RBFOX1: variants seen among roughly 807,000 people sequenced by gnomAD.
The protein encoded by RBFOX1 is RNA binding protein fox-1 homolog 1.
RBFOX1 carries 8 observed loss-of-function variants against 57.7 expected under a neutral mutation model. The observed-to-expected ratio is 0.14, with a 90% confidence interval of 0.08 to 0.25. RBFOX1 has a LOEUF of 0.25. Ranked by LOEUF, RBFOX1 falls within the 10% of genes least tolerant of loss-of-function variation. The pLI is 1.00. For synonymous variants in RBFOX1, 326 were observed against 222.4 expected, an observed-to-expected ratio of 1.47 and a Z score of -4.15; for missense variants, 611 against 548.5, an observed-to-expected ratio of 1.11 and a Z score of -1.14.
In RBFOX1 at chr16:5,744,137, C is replaced by A. The variant is rs185613283; in HGVS notation, c.319-123166C>A. On this transcript the variant is annotated intron_variant, in intron 3 of 19. Coordinates refer to the RBFOX1 transcript ENST00000641259. ...GCCCTGAAAAGAATCATTCACAGCTCCTTGTCTTTGCTTGTGCTATGTTCC... is the reference window on the plus strand; with the variant it reads ...GCCCTGAAAAGAATCATTCACAGCTACTTGTCTTTGCTTGTGCTATGTTCC... Among the ~76,000 whole-genome samples, 10 of 152,196 alleles carry A rather than the reference C, an allele frequency of 6.6e-5. No individual in the cohort carries two copies. In the East Asian group the frequency reaches 1.9e-3, roughly 29 times the overall value.
rs111711688 is a variant in RBFOX1, at chr16:5,354,241, C to A, written c.220-112975C>A. Among the ~76,000 whole-genome samples, 171 of 152,302 alleles carry A rather than the reference C, an allele frequency of 1.1e-3. 1 individual carries two copies. The highest frequency in any genetic ancestry group is 4.0e-3 in the African/African-American group (168 of 41,562). On this transcript the variant is annotated intron_variant, in intron 1 of 2. Transcript: ENST00000585867. ...GCACTAGTGGGTGAGTCTCTCTGGT[C>A]TTTCTGTGTCTGTGTCTCTTTTTCT...
chr16:6,747,817 A>G (rs755736616), intron 3 of RBFOX1, among the ~76,000 whole-genome samples: 4 of 152,138 alleles, frequency 2.6e-5, no homozygotes, highest in Non-Finnish European at 5.9e-5. Context: ...ACATATCCTC[A>G]GTCCCTACCC....
In RBFOX1 at chr16:7,032,902, C is replaced by G. The variant is rs138139472; in HGVS notation, c.-15-19155C>G. ...AATTTCTGCAGCTGAGAGCATGTCTCTCTTTTGGGAAGGAGGCTTTTCCTG... is the reference window on the plus strand; with the variant it reads ...AATTTCTGCAGCTGAGAGCATGTCTGTCTTTTGGGAAGGAGGCTTTTCCTG... On this transcript the variant is annotated intron_variant, in intron 3 of 15. Coordinates refer to ENST00000550418, the MANE Select transcript of RBFOX1 (RefSeq NM_018723.4). Among the ~76,000 whole-genome samples the G allele has an allele frequency of 4.4e-4, 67 of 152,262 alleles. No homozygotes were observed. In the East Asian group the frequency reaches 9.5e-3, roughly 22 times the overall value.
chr16:6,586,989 A>G (rs577406451), intron 2 of RBFOX1, among the ~76,000 whole-genome samples: 60 of 152,206 alleles, frequency 3.9e-4, no homozygotes, highest in Middle Eastern at 3.4e-3. Context: ...AAATTAATAC[A>G]TGCATTACTT....
At chr16:5,530,909 G>T (rs997666852) in intron 2 of RBFOX1, among the ~76,000 whole-genome samples, 4 of 122,334 alleles carry the variant, frequency 3.3e-5, no homozygotes, top group Admixed American at 1.1e-4. Context: ...CCAACATGGC[G>T]AAACCCTGTC....
In RBFOX1 at chr16:5,780,799, TACTC is replaced by T. The variant is rs2054301094; in HGVS notation, c.319-86500_319-86497del. 1.3e-5 allele frequency among the ~76,000 whole-genome samples: 2 copies of T among 152,226 alleles called. 1 individual carries two copies. Among genetic ancestry groups the T allele is most frequent in the South Asian group, 4.1e-4 (2 of 4,834 alleles). On this transcript the variant is annotated intron_variant, in intron 3 of 19. Coordinates refer to the RBFOX1 transcript ENST00000641259. ...TGGGACGCCTGGTTTAAGTTCAAGTTACTCACTTAACCTTGAGCAAGACACTTCT... is the reference window on the plus strand; with the variant it reads ...TGGGACGCCTGGTTTAAGTTCAAGTTACTTAACCTTGAGCAAGACACTTCT...
chr16:6,939,169 G>C (rs1028753188), intron 3 of RBFOX1, among the ~76,000 whole-genome samples: 10 of 152,230 alleles, frequency 6.6e-5, no homozygotes, highest in East Asian at 5.8e-4. Flanking sequence ...GCTGGAATTA[G>C]AACTCAGGCC....
intron 1 of RBFOX1, among the ~76,000 whole-genome samples, chr16:5,429,398 G>A (rs1029754385): frequency 6.6e-5 from 10 of 152,138 alleles, no homozygotes; most frequent in Non-Finnish European, 1.5e-4. Context: ...GGCGGGACTC[G>A]GGGGAGAGTG....
intron 3 of RBFOX1, among the ~76,000 whole-genome samples, chr16:6,916,581 C>A (rs1466447049): frequency 6.6e-6 from 1 of 151,974 alleles, no homozygotes; most frequent in African/African-American, 2.4e-5. Context: ...TCATCGTGAC[C>A]TACACACTTG....
intron 4 of RBFOX1, among the ~76,000 whole-genome samples, chr16:7,414,133 C>T (rs564446258): frequency 6.6e-6 from 1 of 152,338 alleles, no homozygotes; most frequent in South Asian, 2.1e-4. Context: ...GGTCTACAGA[C>T]AATCCATTCA....
intron 3 of RBFOX1, among the ~76,000 whole-genome samples, chr16:6,933,710 G>A (rs573151145): frequency 2.5e-4 from 38 of 152,310 alleles, no homozygotes; most frequent in East Asian, 3.9e-4. Context: ...ACGAGACTGC[G>A]TCTCATTAAA....
At chr16:7,242,066 G>A (rs114432760) in intron 4 of RBFOX1, among the ~76,000 whole-genome samples, 2,358 of 152,214 alleles carry the variant, frequency 0.015, 61 homozygotes, top group African/African-American at 0.054. Flanking sequence ...GCACCTCAGT[G>A]ATAACAATAA....
At chr16:5,856,300 C>T (rs1244363956) in intron 3 of RBFOX1, among the ~76,000 whole-genome samples, 6 of 83,384 alleles carry the variant, frequency 7.2e-5, no homozygotes, top group Non-Finnish European at 1.2e-4. Context: ...CACACACACA[C>T]ACACACACAC....
At chr16:6,214,765 G>T (rs1162565174) in intron 1 of RBFOX1, among the ~76,000 whole-genome samples, 1 of 111,312 alleles carries the variant, frequency 9.0e-6, no homozygotes, top group African/African-American at 3.5e-5. Flanking sequence ...GAGAGAGAAG[G>T]AGAGAGAGAG....
At chr16:6,821,765 T>A (rs955949054) in intron 3 of RBFOX1, among the ~76,000 whole-genome samples, 1 of 152,210 alleles carries the variant, frequency 6.6e-6, no homozygotes, top group Non-Finnish European at 1.5e-5. Flanking sequence ...ATGAACCAAT[T>A]TTTTCATTGA....
intron 4 of RBFOX1, among the ~76,000 whole-genome samples, chr16:7,060,247 G>A (rs903492867): frequency 2.0e-5 from 3 of 152,158 alleles, no homozygotes; most frequent in Non-Finnish European, 4.4e-5. Context: ...TTGAGGCTAT[G>A]TCTCAATAAA....
chr16:7,076,135 G>A (rs989933949), intron 4 of RBFOX1, among the ~76,000 whole-genome samples: 8 of 149,742 alleles, frequency 5.3e-5, no homozygotes, highest in African/African-American at 7.4e-5. Context: ...TCTGCCTCCC[G>A]GGTTCAAGTG....
At chr16:7,472,745 G>A (rs8053482) in intron 4 of RBFOX1, among the ~76,000 whole-genome samples, 151,602 of 152,302 alleles carry the variant, frequency 1, 75,463 homozygotes, top group Middle Eastern at 1. Context: ...TTCCCAGACT[G>A]TGGCAAAATT....
chr16:6,123,993 T>G (rs35766084), intron 1 of RBFOX1, among the ~76,000 whole-genome samples: 5,255 of 152,138 alleles, frequency 0.035, 159 homozygotes, highest in African/African-American at 0.068. Flanking sequence ...AAAAATGAAG[T>G]CTTGCTTGGC....
Sources: allele counts gnomAD v4.1 joint callset (sites outside exome capture counted in the v4.1 genomes callset), GRCh38; gene constraint gnomAD v4.1.1; transcripts MANE v1.5; gene names NCBI Gene and HGNC (gene_info 2026-07-23, HGNC 2026-07-21).